Variants in ARHGAP23 observed in about 807,000 individuals in gnomAD.
ARHGAP23 encodes Rho GTPase activating protein 23, also known as rho GTPase-activating protein 23.
In ARHGAP23, 34 loss-of-function variants were observed where a neutral mutation model predicts 136.3. The observed-to-expected ratio is 0.25, with a 90% CI of 0.19 to 0.33. The LOEUF (loss-of-function observed/expected upper bound fraction) is 0.33, where lower values mean the gene tolerates loss of function less well. Ranked by LOEUF, ARHGAP23 falls within the 10% of genes least tolerant of loss-of-function variation. The pLI is 1.00. For missense variants in ARHGAP23, 1,808 were observed against 2,139.0 expected (o/e 0.85, Z 3.05); for synonymous variants, 832 against 920.5 (o/e 0.90, Z 1.74).
At position 38,510,908 on chromosome 17, in the gene ARHGAP23, C is replaced by A; in HGVS notation, c.4412C>A (p.Thr1471Lys). The change falls in exon 24 of 24, where the codon ACG becomes AAG. Residue 1471 changes from threonine to lysine, a missense_variant. Physicochemically the swap from Thr to Lys is moderately conservative, Grantham distance 78. Coordinates refer to ENST00000622683, the MANE Select transcript of ARHGAP23 (RefSeq NM_001199417.2). This position sits in a 1 kb window ranked among gnomAD's most constrained non-coding sequence, Gnocchi z 4.6. The stretch of plus-strand genomic sequence containing the variant: ...TCGCAGCCGCCCGCGCCCGGGGACA[C>A]GGGGTCCCTGCAGAGCCAGCCCCCG... ...AASQPPAPGD[T>K]GSLQSQPPRR... 3 of 1,490,410 alleles carry A rather than the reference C, an allele frequency of 2.0e-6. No individual in the cohort carries two copies. The highest frequency in any genetic ancestry group is 2.5e-5 in the South Asian group (2 of 79,066). 92.3% of individuals were successfully genotyped at this position (1,490,410 alleles called of 1,614,324 possible). A position where few individuals can be genotyped will look rare whatever the true frequency, so the allele number is the denominator to read the frequency against.
chr17:38,463,723 T>G (rs779913414), intron 6 of ARHGAP23, among the ~76,000 whole-genome samples: 1 of 152,050 alleles, frequency 6.6e-6, no homozygotes, highest in Non-Finnish European at 1.5e-5. Flanking sequence ...TGAGGGTGTC[T>G]CTGGTGGGTG....
chr17:38,477,458 G>A lies in ARHGAP23; in HGVS notation c.2119-121G>A. The A allele has an allele frequency of 1.0e-6, 1 of 970,706 alleles. No individual in the cohort carries two copies. Among genetic ancestry groups the A allele is most frequent in the Non-Finnish European group, 1.3e-6 (1 of 781,570 alleles). The allele number at this position is 970,706 out of a possible 1,614,324, so 60.1% of individuals were successfully genotyped here. A position where few individuals can be genotyped will look rare whatever the true frequency, so the allele number is the denominator to read the frequency against. On this transcript the variant is annotated intron_variant, in intron 11 of 23. Transcript: ENST00000622683. The surrounding 1 kb of genome is among the most constrained non-coding windows in gnomAD (Gnocchi z 6.6). ...CCAGGTCTAGCCGGGTGGAGCAGGG[G>A]GCTCCTGGTAGGCAGCGTGGGGTCC...
intron 1 of ARHGAP23, among the ~76,000 whole-genome samples, chr17:38,437,318 G>A (rs1157869210): frequency 6.6e-6 from 1 of 151,928 alleles, no homozygotes; most frequent in Non-Finnish European, 1.5e-5. Flanking sequence ...AGCGATGGGG[G>A]TCTCCCTATA....
At position 38,511,672 on chromosome 17, in the gene ARHGAP23, C is replaced by T. The variant is rs2040768136; in HGVS notation, c.*700C>T. ...AACCCTCACCAGGGTTACTCCCCAA[C>T]ATCCTTTTGCCTGAGTCACCCTCTA... On this transcript the variant is annotated 3_prime_UTR_variant, in exon 24 of 24. Transcript: ENST00000622683. 1 of 152,208 alleles carries T rather than the reference C, an allele frequency of 6.6e-6. No individual in the cohort carries two copies. The highest frequency in any genetic ancestry group is 2.4e-5 in the African/African-American group (1 of 41,416). The allele number at this position is 152,208 out of a possible 1,614,324, so 9.4% of individuals were successfully genotyped here. A position where few individuals can be genotyped will look rare whatever the true frequency, so the allele number is the denominator to read the frequency against.
intron 23 of ARHGAP23, among the ~76,000 whole-genome samples, chr17:38,506,131 G>A (rs1378245474): frequency 1.3e-5 from 2 of 152,170 alleles, no homozygotes; most frequent in Non-Finnish European, 1.5e-5. Context: ...AATGCCTTTG[G>A]TCATCGCTGA....
intron 1 of ARHGAP23, among the ~76,000 whole-genome samples, chr17:38,437,044 AG>A (rs1434410358): frequency 6.6e-6 from 1 of 152,170 alleles, no homozygotes; most frequent in African/African-American, 2.4e-5. Context: ...GCCGTCATAA[AG>A]GGGGTGTATA....
chr17:38,450,231 T>C (rs2039130579), intron 1 of ARHGAP23, among the ~76,000 whole-genome samples: 1 of 152,110 alleles, frequency 6.6e-6, no homozygotes, highest in Non-Finnish European at 1.5e-5. Context: ...CCTGAAAGAC[T>C]CTCCAAAGTA....
chr17:38,421,740 C>T (rs1346426378), intron 1 of ARHGAP23, among the ~76,000 whole-genome samples: 1 of 152,234 alleles, frequency 6.6e-6, no homozygotes, highest in Non-Finnish European at 1.5e-5. Context: ...TTCTCCTCAT[C>T]TGACTCCCAA....
chr17:38,462,754 C>T, intron 3 of ARHGAP23, 92 bp from the exon 4 acceptor site: 1 of 915,240 alleles, frequency 1.1e-6, no homozygotes, highest in Non-Finnish European at 1.6e-6. Context: ...CGAGTGCAAT[C>T]ATTCTCTGAG....
chr17:38,486,700 C>G (rs1300858136), intron 17 of ARHGAP23, among the ~76,000 whole-genome samples: 3 of 152,106 alleles, frequency 2.0e-5, no homozygotes, highest in East Asian at 3.8e-4. Flanking sequence ...GCACAACTCC[C>G]TACAGCAACT....
chr17:38,488,533 A>T lies in ARHGAP23; in HGVS notation c.2987-1569A>T, dbSNP rs192888321. Among the ~76,000 whole-genome samples, 1,165 of 152,254 alleles carry T rather than the reference A, an allele frequency of 7.7e-3. 17 individuals are homozygous for T. The highest frequency in any genetic ancestry group is 0.026 in the African/African-American group (1,070 of 41,546). ...TTTGCAGTATAGAAACTGAAAACAAATTTTTTGTTGTTGTTGTTTTGTTTT... is the reference window on the plus strand; with the variant it reads ...TTTGCAGTATAGAAACTGAAAACAATTTTTTTGTTGTTGTTGTTTTGTTTT... On this transcript the variant is annotated intron_variant, in intron 17 of 23. Transcript: ENST00000622683.
intron 11 of ARHGAP23, among the ~76,000 whole-genome samples, chr17:38,473,899 G>C (rs1358195756): frequency 1.3e-5 from 2 of 152,122 alleles, no homozygotes; most frequent in African/African-American, 2.4e-5. Flanking sequence ...GGAAGAGCCT[G>C]TCCAGGGTTT....
intron 1 of ARHGAP23, among the ~76,000 whole-genome samples, chr17:38,455,335 A>G (rs543028375): frequency 6.6e-6 from 1 of 152,252 alleles, no homozygotes; most frequent in African/African-American, 2.4e-5. Context: ...TGACATTCTC[A>G]AGAGCCTAGT....
intron 6 of ARHGAP23, 100 bp downstream of exon 6, chr17:38,463,482 C>T (rs530331869): frequency 3.7e-5 from 52 of 1,390,458 alleles, no homozygotes; most frequent in South Asian, 1.4e-4. Flanking sequence ...GGGCACAGGC[C>T]GACATTGCCC....
intron 6 of ARHGAP23, among the ~76,000 whole-genome samples, chr17:38,465,010 G>C (rs1164761896): frequency 6.6e-6 from 1 of 152,042 alleles, no homozygotes; most frequent in East Asian, 1.9e-4. Context: ...GTGGGGGTGA[G>C]GGGGAGCCGC....
In ARHGAP23 at chr17:38,477,960, A is replaced by G. The variant is rs2039937683; in HGVS notation, c.2436+64A>G. 6.6e-7 allele frequency: 1 copy of G among 1,516,924 alleles called. No homozygotes were observed. Among genetic ancestry groups the G allele is most frequent in the South Asian group, 1.2e-5 (1 of 83,254 alleles). The allele number at this position is 1,516,924 out of a possible 1,614,324, so 94.0% of individuals were successfully genotyped here. On this transcript the variant is annotated intron_variant, in intron 12 of 23. Coordinates refer to ENST00000622683, the MANE Select transcript of ARHGAP23 (RefSeq NM_001199417.2). The surrounding 1 kb of genome is among the most constrained non-coding windows in gnomAD (Gnocchi z 6.6). ...CGGGGTGGCCTCTCACCGGCTGTGG[A>G]CCTGGGATGCCCGCTCTGAGCCTCA...
chr17:38,479,871 G>T lies in ARHGAP23; in HGVS notation c.2617G>T (p.Ala873Ser), dbSNP rs575376487. The T allele has an allele frequency of 4.5e-6, 7 of 1,545,306 alleles. No homozygotes were observed. The highest frequency in any genetic ancestry group is 2.4e-5 in the South Asian group (2 of 83,748). ...TGGCCTCAGGACTCAGGACCTGCCC[G>T]CAGGGAGCAAGGGTAGGAAGGTGGC... ...ARGLRTQDLP[A>S]GSKDDSAAAP... Residue 873 changes from alanine to serine, a missense_variant, in exon 14 of 24, where the codon GCA (alanine) becomes TCA (serine). This residue lies in a region of ARHGAP23 where 73 missense variants were observed against 82.5 expected (regional missense o/e 0.88). Transcript: ENST00000622683.
chr17:38,420,207 A>G lies in ARHGAP23; in HGVS notation n.120+808A>G, dbSNP rs533104672. ...CTGGACCAGTCCCCTTCAGTGAGCA[A>G]GGGGCTGTATCCTGACTTGCAGCCC... On this transcript the variant is annotated intron_variant and non_coding_transcript_variant, in intron 1 of 4. Transcript: ENST00000633445. Among the ~76,000 whole-genome samples the G allele has an allele frequency of 2.0e-5, 3 of 152,324 alleles. No homozygotes were observed. The East Asian group carries it at 5.8e-4, about 29-fold the overall frequency.
At chr17:38,453,022 C>G (rs916937641) in intron 1 of ARHGAP23, among the ~76,000 whole-genome samples, 1 of 152,114 alleles carries the variant, frequency 6.6e-6, no homozygotes, top group Admixed American at 6.5e-5. Flanking sequence ...GTGTAGCACT[C>G]GAGGGGCTGT....
Sources: allele counts gnomAD v4.1 joint callset (sites outside exome capture counted in the v4.1 genomes callset), GRCh38; gene constraint gnomAD v4.1.1; regional missense constraint gnomAD v4.1.1; non-coding constraint Gnocchi (gnomAD v3.1); transcripts MANE v1.5; gene names NCBI Gene and HGNC (gene_info 2026-07-23, HGNC 2026-07-21).